Variants in ZNF721 observed in about 807,000 individuals in gnomAD.
ZNF721 encodes zinc finger protein 721.
A neutral mutation model predicts 2.4 loss-of-function variants in ZNF721; 2 were observed. The observed-to-expected ratio is 0.82, with a 90% CI of 0.34 to 2.58. The LOEUF is 2.58. Among genes scored for constraint, ZNF721 ranks in the 30% most tolerant of loss-of-function variants. ZNF721 has a pLI of 0.11. For missense variants in ZNF721, 1,187 were observed against 1,085.5 expected, an observed-to-expected ratio of 1.09 and a Z score of -1.31; for synonymous variants, 398 against 381.8, an observed-to-expected ratio of 1.04 and a Z score of -0.50.
At chr4:492,612 G>GT (rs544900364) in intron 1 of ZNF721, among the ~76,000 whole-genome samples, 242 of 139,076 alleles carry the variant, frequency 1.7e-3, no homozygotes, top group Middle Eastern at 0.012. Flanking sequence ...AAAGTTTTGG[G>GT]TTTTTTTTTT....
intron 2 of ZNF721, among the ~76,000 whole-genome samples, chr4:451,421 G>A (rs1001814737): frequency 1.3e-5 from 2 of 152,102 alleles, no homozygotes; most frequent in African/African-American, 2.4e-5. Context: ...ATGGGACCTC[G>A]TGCCAAACAA....
chr4:463,216 A>G (rs192009874), intron 2 of ZNF721, among the ~76,000 whole-genome samples: 1 of 152,256 alleles, frequency 6.6e-6, no homozygotes, highest in East Asian at 1.9e-4. Context: ...ATACCATCTT[A>G]TGCCAGTTAG....
In ZNF721 at chr4:491,710, C is replaced by T. The variant is rs562945721; in HGVS notation, c.-94+7346G>A. Among the ~76,000 whole-genome samples the T allele has an allele frequency of 3.3e-5, 5 of 152,348 alleles. No homozygotes were observed. In the South Asian group the frequency reaches 8.3e-4, roughly 25 times the overall value. ...AATCTCTATCAAAGACAATTGGCTT[C>T]AGACTACGTCATGACAAAGGAACAT... On this transcript the variant is annotated intron_variant, in intron 1 of 2. Coordinates refer to ENST00000511833, the MANE Select transcript of ZNF721 (RefSeq NM_133474.4).
chr4:453,770 A>G (rs1187703869), intron 2 of ZNF721: 1 of 152,348 alleles, frequency 6.6e-6, no homozygotes, highest in East Asian at 1.9e-4. Flanking sequence ...GTCACTATCA[A>G]TGGGGCCACA....
chr4:449,692 T>G (rs1456512347), intron 2 of ZNF721, among the ~76,000 whole-genome samples: 1 of 152,030 alleles, frequency 6.6e-6, no homozygotes, highest in Non-Finnish European at 1.5e-5. Context: ...AAAGATAAAT[T>G]TACAGAATAT....
chr4:485,890 G>C (rs1334979811), intron 1 of ZNF721, among the ~76,000 whole-genome samples: 2 of 152,130 alleles, frequency 1.3e-5, no homozygotes, highest in Non-Finnish European at 2.9e-5. Flanking sequence ...CAGGAGAATT[G>C]CTTGAACCGA....
chr4:481,002 G>C (rs1043946157), intron 1 of ZNF721, among the ~76,000 whole-genome samples: 1 of 152,096 alleles, frequency 6.6e-6, no homozygotes, highest in Non-Finnish European at 1.5e-5. Flanking sequence ...GGTCACTGCA[G>C]CCTTGACATC....
At chr4:456,050 T>TTTTATTTATTTATTTATTTATTTA (rs59869428) in intron 2 of ZNF721, among the ~76,000 whole-genome samples, 4 of 144,406 alleles carry the variant, frequency 2.8e-5, no homozygotes, top group East Asian at 2.0e-4. Context: ...CCAAAAAAAT[T>TTTTATTTATTTATTTATTTATTTA]TTTATTTATT....
rs1354370754 is a variant in ZNF721 at position 494,894 on chromosome 4, T to G, written c.-94+4162A>C. 3.5e-4 allele frequency among the ~76,000 whole-genome samples: 5 copies of G among 14,134 alleles called. No homozygotes were observed. In the Non-Finnish European group the frequency reaches 4.4e-3, roughly 13 times the overall value. 9.3% of individuals were successfully genotyped at this position (14,134 alleles called of 152,430 possible). A position where few individuals can be genotyped will look rare whatever the true frequency, so the allele number is the denominator to read the frequency against. On this transcript the variant is annotated intron_variant, in intron 1 of 2. Transcript: ENST00000511833. ...ATGTGATGCTTTTACAGTGCACTTA[T>G]TTTTTTTTTTTTTTTGAGACGGAGT... is the stretch of plus-strand genomic sequence containing the variant.
intron 2 of ZNF721, among the ~76,000 whole-genome samples, chr4:450,955 AAATATATATATATATATAT>A (rs1259796778): frequency 1.4e-4 from 4 of 27,928 alleles, no homozygotes; most frequent in African/African-American, 2.5e-4. Flanking sequence ...AAAAAAAAAA[AAATATATATATATATATAT>A]ATATATATAT....
intron 1 of ZNF721, among the ~76,000 whole-genome samples, chr4:491,528 T>C (rs541248415): frequency 1.3e-5 from 2 of 152,300 alleles, no homozygotes; most frequent in African/African-American, 2.4e-5. Context: ...CAAATGTAAA[T>C]GTTTCAAGAG....
At chr4:470,735 A>C (rs1715405745) in intron 2 of ZNF721, among the ~76,000 whole-genome samples, 1 of 152,014 alleles carries the variant, frequency 6.6e-6, no homozygotes, top group Non-Finnish European at 1.5e-5. Flanking sequence ...ATAAAATAAA[A>C]TAGAAGGCTG....
chr4:492,826 G>C (rs1258207283), intron 1 of ZNF721, among the ~76,000 whole-genome samples: 1 of 143,608 alleles, frequency 7.0e-6, no homozygotes, highest in Non-Finnish European at 1.5e-5. Flanking sequence ...CTTTATTTTT[G>C]TAACTTTATT....
intron 1 of ZNF721, among the ~76,000 whole-genome samples, chr4:484,970 CT>C (rs1338709993): frequency 6.6e-6 from 1 of 152,240 alleles, no homozygotes; most frequent in East Asian, 1.9e-4. Flanking sequence ...CATGTGATGT[CT>C]CCCCCAGACA....
chr4:474,236 T>A, intron 1 of ZNF721: 2 of 378,600 alleles, frequency 5.3e-6, no homozygotes, highest in South Asian at 2.0e-5. Context: ...TGATTGGATA[T>A]GGGTCCAGGC....
At chr4:498,224 A>G (rs1244017717) in intron 1 of ZNF721, among the ~76,000 whole-genome samples, 2 of 136,544 alleles carry the variant, frequency 1.5e-5, no homozygotes, top group African/African-American at 3.0e-5. Flanking sequence ...AGAAAAAAAA[A>G]AAAAAAAAAA....
intron 2 of ZNF721, among the ~76,000 whole-genome samples, chr4:466,371 A>T (rs149274334): frequency 5.2e-4 from 79 of 152,314 alleles, no homozygotes; most frequent in African/African-American, 1.6e-3. Flanking sequence ...TAAGAAATCA[A>T]ACTCCCCAGG....
chr4:496,990 G>A (rs1560248352), intron 1 of ZNF721, among the ~76,000 whole-genome samples: 1 of 152,162 alleles, frequency 6.6e-6, no homozygotes, highest in South Asian at 2.1e-4. Flanking sequence ...GGGATTACAG[G>A]CGTGAGCCAC....
In ZNF721 at chr4:485,114, CTGCCTGCCTCGGCCTCCCAAA is replaced by C. The variant is rs540325490; in HGVS notation, c.-93-12434_-93-12414del. On this transcript the variant is annotated intron_variant, in intron 1 of 2. Coordinates refer to ENST00000511833, the MANE Select transcript of ZNF721 (RefSeq NM_133474.4). ...CCAATAGGTCAGGATGGTCAGTGATCTGCCTGCCTCGGCCTCCCAAATGGCTGGGATTACAGGTGTGAGCTA... is the reference window on the plus strand; with the variant it reads ...CCAATAGGTCAGGATGGTCAGTGATCTGGCTGGGATTACAGGTGTGAGCTA... Among the ~76,000 whole-genome samples, 35 of 152,242 alleles carry C rather than the reference CTGCCTGCCTCGGCCTCCCAAA, an allele frequency of 2.3e-4. 1 individual carries two copies. In the South Asian group the frequency reaches 7.3e-3, roughly 32 times the overall value.
Sources: allele counts gnomAD v4.1 joint callset (sites outside exome capture counted in the v4.1 genomes callset), GRCh38; gene constraint gnomAD v4.1.1; transcripts MANE v1.5; gene names NCBI Gene and HGNC (gene_info 2026-07-23, HGNC 2026-07-21).